NPAS3: variants seen among roughly 807,000 people sequenced by gnomAD.
The protein encoded by NPAS3 is neuronal PAS domain protein 3, also known as neuronal PAS domain-containing protein 3.
A neutral mutation model predicts 73.1 loss-of-function variants in NPAS3; 14 were observed. That is an observed-to-expected ratio of 0.19 (90% CI 0.13 to 0.30). NPAS3 has a LOEUF of 0.30. NPAS3 is among the 10% of genes least tolerant of loss of function. The probability of loss-of-function intolerance (pLI) is 1.00; values close to 1 mark genes in which losing one functional copy is unlikely to be tolerated. For missense variants in NPAS3, 1,096 were observed against 1,250.0 expected, an observed-to-expected ratio of 0.88 and a Z score of 1.86; for synonymous variants, 620 against 541.5, an observed-to-expected ratio of 1.14 and a Z score of -2.01.
At chr14:33,548,305 T>C (rs2054941787) in intron 4 of NPAS3, among the ~76,000 whole-genome samples, 1 of 152,184 alleles carries the variant, frequency 6.6e-6, no homozygotes, top group African/African-American at 2.4e-5. Flanking sequence ...ATGTAGTGAA[T>C]GGTGGAATAT....
At chr14:33,238,252 C>G (rs188615038) in intron 3 of NPAS3, among the ~76,000 whole-genome samples, 2 of 152,070 alleles carry the variant, frequency 1.3e-5, no homozygotes, top group African/African-American at 4.8e-5. Context: ...TATTGATAAT[C>G]TTCAAATAGG....
intron 6 of NPAS3, among the ~76,000 whole-genome samples, chr14:33,679,675 T>G (rs566435041): frequency 1.3e-5 from 2 of 152,296 alleles, no homozygotes; most frequent in South Asian, 4.1e-4. Flanking sequence ...GTAGCATTAC[T>G]AAATGACTGG....
chr14:32,964,896 G>A (rs2037088992), intron 1 of NPAS3, among the ~76,000 whole-genome samples: 1 of 152,052 alleles, frequency 6.6e-6, no homozygotes, highest in Admixed American at 6.6e-5. Context: ...CTTGAGCCCA[G>A]GAGTTGGAGG....
chr14:33,785,267 C>G (rs1362531164), intron 9 of NPAS3, among the ~76,000 whole-genome samples: 1 of 151,380 alleles, frequency 6.6e-6, no homozygotes, highest in South Asian at 2.1e-4. Flanking sequence ...AACCCCATCT[C>G]TACTAAAAAA....
At chr14:32,987,367 A>C (rs1428554495) in intron 1 of NPAS3, among the ~76,000 whole-genome samples, 1 of 151,886 alleles carries the variant, frequency 6.6e-6, no homozygotes, top group Non-Finnish European at 1.5e-5. Flanking sequence ...GGTCCATGAC[A>C]TCAGGATGAA....
At chr14:33,033,376 T>C (rs2040060626) in intron 1 of NPAS3, among the ~76,000 whole-genome samples, 1 of 151,898 alleles carries the variant, frequency 6.6e-6, no homozygotes, top group Admixed American at 6.6e-5. Flanking sequence ...CTACTCAGGA[T>C]GCTGAGGCAT....
intron 3 of NPAS3, among the ~76,000 whole-genome samples, chr14:33,227,519 G>T (rs3178496): frequency 0.32 from 47,966 of 151,954 alleles, 7,800 homozygotes; most frequent in East Asian, 0.51. Flanking sequence ...CAAGATCAAG[G>T]TACCAGCATG....
chr14:33,547,282 A>G (rs76791682), intron 4 of NPAS3, among the ~76,000 whole-genome samples: 216 of 152,302 alleles, frequency 1.4e-3, no homozygotes, highest in Non-Finnish European at 2.5e-3. Flanking sequence ...CCCCCAAGCA[A>G]GACAATAAAA....
intron 4 of NPAS3, among the ~76,000 whole-genome samples, chr14:33,541,667 A>C (rs559791937): frequency 6.6e-6 from 1 of 152,324 alleles, no homozygotes; most frequent in African/African-American, 2.4e-5. Flanking sequence ...TGTAAGAATG[A>C]GGCCAATAAT....
chr14:33,180,299 G>C (rs527401260), intron 2 of NPAS3, among the ~76,000 whole-genome samples: 1 of 151,692 alleles, frequency 6.6e-6, no homozygotes, highest in Non-Finnish European at 1.5e-5. Context: ...GCCTTGGTTC[G>C]CCACTTCTGA....
At chr14:33,388,437 T>C (rs1037347908) in intron 4 of NPAS3, among the ~76,000 whole-genome samples, 3 of 150,144 alleles carry the variant, frequency 2.0e-5, no homozygotes, top group Non-Finnish European at 4.4e-5. Flanking sequence ...CCCAGGGAAA[T>C]AGGCACTCGT....
intron 5 of NPAS3, among the ~76,000 whole-genome samples, chr14:33,568,542 A>G (rs929518371): frequency 6.6e-6 from 1 of 152,192 alleles, no homozygotes; most frequent in African/African-American, 2.4e-5. Flanking sequence ...CTTGGACCCT[A>G]TAAGAATGAT....
chr14:33,609,825 C>T (rs148977247), intron 5 of NPAS3, among the ~76,000 whole-genome samples: 4 of 152,274 alleles, frequency 2.6e-5, no homozygotes, highest in African/African-American at 9.6e-5. Flanking sequence ...GAGTCTCTGA[C>T]TCTGTCTGAC....
At chr14:33,233,018 A>C (rs1276034145) in intron 3 of NPAS3, among the ~76,000 whole-genome samples, 1 of 152,204 alleles carries the variant, frequency 6.6e-6, no homozygotes, top group Non-Finnish European at 1.5e-5. Context: ...TATGCTATGG[A>C]TCTCTCTGCT....
intron 6 of NPAS3, among the ~76,000 whole-genome samples, chr14:33,712,982 G>A (rs58650618): frequency 8.3e-4 from 126 of 152,130 alleles, no homozygotes; most frequent in African/African-American, 2.7e-3. Context: ...TGCTGTGTGG[G>A]GTCATTTTGC....
chr14:33,372,026 G>A (rs2046112182), intron 4 of NPAS3, among the ~76,000 whole-genome samples: 1 of 152,086 alleles, frequency 6.6e-6, no homozygotes, highest in African/African-American at 2.4e-5. Context: ...AAAATGATAA[G>A]GGCAATTTTA....
chr14:33,117,593 C>G (rs1256273144), intron 2 of NPAS3, among the ~76,000 whole-genome samples: 1 of 152,022 alleles, frequency 6.6e-6, no homozygotes, highest in Admixed American at 6.6e-5. Flanking sequence ...AAATCAAGAT[C>G]CTTTCTGAAG....
chr14:33,617,403 A>C (rs1355604719), intron 5 of NPAS3, among the ~76,000 whole-genome samples: 1 of 152,196 alleles, frequency 6.6e-6, no homozygotes, highest in Non-Finnish European at 1.5e-5. Flanking sequence ...AAATCCCAGA[A>C]GAGAGGAAAT....
chr14:33,399,174 G>A (rs17101003), intron 4 of NPAS3, among the ~76,000 whole-genome samples: 27,056 of 152,010 alleles, frequency 0.18, 2,624 homozygotes, highest in Admixed American at 0.26. Context: ...GATTTCAGAA[G>A]CATTGCTGTA....
Sources: gnomAD v4.1 joint callset for allele counts (sites outside exome capture counted in the v4.1 genomes callset) on GRCh38, gnomAD v4.1.1 for gene constraint, MANE v1.5 for transcripts, NCBI Gene and HGNC (gene_info 2026-07-23, HGNC 2026-07-21) for gene names.